Variants in ZNF117 observed in about 807,000 individuals in gnomAD.
ZNF117 encodes Krueppel-related zinc finger protein.
ZNF117 carries 37 observed loss-of-function variants against 41.2 expected under a neutral mutation model. That is an observed-to-expected ratio of 0.90 (90% CI 0.69 to 1.18). The LOEUF is 1.18. Among genes scored for constraint, ZNF117 ranks in the 50% most tolerant of loss-of-function variants. The pLI, the probability that ZNF117 is intolerant of heterozygous loss-of-function variation, is 0.00. For synonymous variants in ZNF117, 186 were observed against 186.6 expected, an observed-to-expected ratio of 1.00 and a Z score of 0.02; for missense variants, 546 against 557.5, an observed-to-expected ratio of 0.98 and a Z score of 0.21.
rs1785894080 is a variant in ZNF117, at chr7:64,976,628, G to A, written c.*1491C>T. ...TAAGGTGTGAAAAATTAAAAGTTTT[G>A]CCACATTCTTCACACTTCTGGGAGT... On this transcript the variant is annotated 3_prime_UTR_variant, in exon 3 of 3. Transcript: ENST00000620222. The A allele has an allele frequency of 1.9e-5, 5 of 263,908 alleles. No homozygotes were observed. In the South Asian group the frequency reaches 2.0e-4, roughly 11 times the overall value. 16.3% of individuals were successfully genotyped at this position (263,908 alleles called of 1,614,324 possible).
At chr7:64,985,211 C>A (rs10239858), upstream of ZNF117, among the ~76,000 whole-genome samples, 4,956 of 152,294 alleles carry the variant, frequency 0.033, 267 homozygotes, top group African/African-American at 0.11. Flanking sequence ...CTACATATAA[C>A]TATGCTAATT....
exon 1 of ZNF117, chr7:64,990,991 A>G (rs1786249665): frequency 2.4e-6 from 1 of 408,806 alleles, no homozygotes; most frequent in Non-Finnish European, 4.3e-6. Flanking sequence ...AAGAGGAAGT[A>G]GCTCTTTTCT....
chr7:64,979,673 T>C (rs548168397), intron 2 of ZNF117, 137 bp from the exon 4 acceptor site: 2 of 573,156 alleles, frequency 3.5e-6, no homozygotes, highest in Admixed American at 3.8e-5. Flanking sequence ...AATTCCTTCA[T>C]AGACATATAA....
chr7:64,974,227 C>T (rs951418678), downstream of ZNF117: 14 of 151,624 alleles, frequency 9.2e-5, no homozygotes, highest in African/African-American at 3.4e-4. Context: ...GTGTGCAGTA[C>T]TGAATTTTAT....
intron 1 of ZNF117, among the ~76,000 whole-genome samples, chr7:64,989,162 C>CACACAT (rs766188801): frequency 6.8e-6 from 1 of 146,878 alleles, no homozygotes; most frequent in Non-Finnish European, 1.5e-5. Flanking sequence ...CACACACACA[C>CACACAT]ATATATACAC....
At position 64,979,025 on chromosome 7, in the gene ZNF117, T is replaced by A. The variant is rs768191113; in HGVS notation, c.546A>T (p.Arg182Ser). 5 of 1,613,226 alleles carry A rather than the reference T, an allele frequency of 3.1e-6. No individual in the cohort carries two copies. The Admixed American group carries it at 6.7e-5, about 22-fold the overall frequency. ...TCTCTTCAGTATGAATTCTCTTATG[T>A]CTAATAAGGTGTGAGGTCTGGTTAA... The change falls in exon 3 of 3, where the codon AGA becomes AGT. Residue 182 changes from arginine (R) to serine (S), a missense_variant. Coordinates refer to ENST00000620222, the Ensembl canonical transcript of ZNF117.
intron 1 of ZNF117, among the ~76,000 whole-genome samples, chr7:64,988,713 G>A (rs1450934292): frequency 1.3e-5 from 2 of 152,084 alleles, no homozygotes; most frequent in African/African-American, 4.8e-5. Context: ...AGTCTCCACA[G>A]AAAAGCTCCT....
exon 3 of ZNF117, chr7:64,975,710 C>T (rs1402785532): frequency 1.3e-5 from 2 of 151,900 alleles, no homozygotes; most frequent in African/African-American, 4.8e-5. Flanking sequence ...ATATTTCTAC[C>T]TCTTTTAAAG....
At chr7:64,976,996 G>T in exon 3 of ZNF117, 1 of 532,842 alleles carries the variant, frequency 1.9e-6, no homozygotes, top group East Asian at 5.4e-5. Context: ...TCTCCAGTAC[G>T]ATTTTTCTTA....
intron 2 of ZNF117, 142 bp downstream of exon 3, chr7:64,981,245 G>A: frequency 3.0e-6 from 3 of 1,002,562 alleles, no homozygotes; most frequent in Admixed American, 2.4e-5. Flanking sequence ...TGTTCTATGT[G>A]AGAGAAAAAT....
At position 64,978,680 on chromosome 7, in the gene ZNF117, T is replaced by A. The variant is rs761089168; in HGVS notation, c.891A>T (p.Arg297Ser). 50 of 1,612,868 alleles carry A rather than the reference T, an allele frequency of 3.1e-5. No homozygotes were observed. In the South Asian group the frequency reaches 5.4e-4, roughly 17 times the overall value. Residue 297 changes from arginine to serine, a missense_variant, in exon 3 of 3, where the codon AGA becomes AGT. Coordinates refer to ENST00000620222, the Ensembl canonical transcript of ZNF117. ...TGTAGGGCTTCTCTCCACTATGAAT[T>A]CTCTTATGTGTAGTAAGGGTTGAGG...
exon 3 of ZNF117, chr7:64,978,087 T>G (rs1785929619): frequency 6.3e-7 from 1 of 1,594,020 alleles, no homozygotes; most frequent in Non-Finnish European, 8.6e-7. Flanking sequence ...CTCTCCAGTA[T>G]GAATTTTCTT....
chr7:64,988,702 T>C (rs1166612528), intron 1 of ZNF117, among the ~76,000 whole-genome samples: 1 of 152,282 alleles, frequency 6.6e-6, no homozygotes, highest in Non-Finnish European at 1.5e-5. Context: ...GAAAACCCTA[T>C]AGTCTCCACA....
At chr7:64,977,880 C>A in exon 3 of ZNF117, 1 of 1,132,866 alleles carries the variant, frequency 8.8e-7, no homozygotes. Context: ...ATTAAAAGCT[C>A]TGCCACATTC....
exon 3 of ZNF117, chr7:64,977,519 A>ACT (rs1785917256): frequency 7.6e-5 from 40 of 528,332 alleles, no homozygotes; most frequent in South Asian, 5.7e-4. Flanking sequence ...TATGTATAGT[A>ACT]AGAGTTGACA....
downstream of ZNF117, chr7:64,974,014 C>T (rs1785824050): frequency 1.3e-5 from 2 of 151,824 alleles, no homozygotes; most frequent in Non-Finnish European, 3.0e-5. Flanking sequence ...ATAAAAACAT[C>T]CTCATGACTT....
rs1427414714 is a variant in ZNF117, at chr7:64,978,421, T to A, written c.1150A>T (p.Thr384Ser). The change falls in exon 3 of 3, where the codon ACT becomes TCT. Residue 384 changes from threonine to serine, a missense_variant. Transcript: ENST00000620222. ...CTACATTTGTGGGGATTCTCTCCAGTATGGATTATCTTATGTGTATTAAGG... is the reference window on the plus strand; with the variant it reads ...CTACATTTGTGGGGATTCTCTCCAGAATGGATTATCTTATGTGTATTAAGG... The A allele has an allele frequency of 6.2e-7, 1 of 1,613,600 alleles. No homozygotes were observed. Among genetic ancestry groups the A allele is most frequent in the African/African-American group, 1.3e-5 (1 of 74,854 alleles).
chr7:64,989,456 TA>T (rs1786208317), intron 1 of ZNF117, among the ~76,000 whole-genome samples: 1 of 30,016 alleles, frequency 3.3e-5, no homozygotes, highest in Non-Finnish European at 6.8e-5. Flanking sequence ...TATATATATA[TA>T]TATATATATA....
At chr7:64,986,399 A>G (rs890540482), upstream of ZNF117, among the ~76,000 whole-genome samples, 5 of 152,192 alleles carry the variant, frequency 3.3e-5, no homozygotes, top group Non-Finnish European at 5.9e-5. Context: ...CTGTCAGTGA[A>G]TCTGCATTTT....
Sources: gnomAD v4.1 joint callset for allele counts (sites outside exome capture counted in the v4.1 genomes callset) on GRCh38, gnomAD v4.1.1 for gene constraint, MANE v1.5 for transcripts, NCBI Gene and HGNC (gene_info 2026-07-23, HGNC 2026-07-21) for gene names.